Variants in PTPRN2 observed in about 807,000 individuals in gnomAD.
PTPRN2 encodes protein tyrosine phosphatase receptor type N2, also known as receptor-type tyrosine-protein phosphatase N2.
Under a neutral mutation model 118.8 loss-of-function variants are expected in PTPRN2, and 74 were observed. The ratio of observed to expected loss-of-function variants is 0.62; its 90% CI spans 0.52 to 0.76. The LOEUF (loss-of-function observed/expected upper bound fraction) is 0.76, where lower values mean the gene tolerates loss of function less well. Among genes scored for constraint, PTPRN2 ranks in the 30% least tolerant of loss-of-function variants. The pLI is 0.00. For synonymous variants in PTPRN2, 641 were observed against 608.0 expected, an observed-to-expected ratio of 1.05 and a Z score of -0.80; for missense variants, 1,481 against 1,394.4, an observed-to-expected ratio of 1.06 and a Z score of -0.99.
rs1014813348 is a variant in PTPRN2 at position 157,974,106 on chromosome 7, C to G, written c.1724-75369G>C. ...AGGCTGAGCTGCCTGACTTGCACTG[C>G]TGGACGGTGGGTTGGCGGTGTTGAC... On this transcript the variant is annotated intron_variant, in intron 11 of 22. Transcript: ENST00000389418. The surrounding 1 kb of genome is among the most constrained non-coding windows in gnomAD (Gnocchi z 4.0). Among the ~76,000 whole-genome samples, 1 of 152,204 alleles carries G rather than the reference C, an allele frequency of 6.6e-6. No individual in the cohort carries two copies. Among genetic ancestry groups the G allele is most frequent in the Non-Finnish European group, 1.5e-5 (1 of 68,034 alleles).
chr7:158,193,504 G>A (rs1420515381), intron 4 of PTPRN2, among the ~76,000 whole-genome samples: 1 of 152,108 alleles, frequency 6.6e-6, no homozygotes, highest in East Asian at 1.9e-4. Context: ...TTTATGGGGA[G>A]CCCTGGTGGA....
intron 11 of PTPRN2, among the ~76,000 whole-genome samples, chr7:157,971,034 C>G (rs905269525): frequency 6.6e-6 from 1 of 152,220 alleles, no homozygotes; most frequent in African/African-American, 2.4e-5. Flanking sequence ...TTCACCACCT[C>G]TTCCTCTGCC....
At chr7:158,210,876 T>G (rs1474926401) in intron 3 of PTPRN2, among the ~76,000 whole-genome samples, 1 of 152,232 alleles carries the variant, frequency 6.6e-6, no homozygotes, top group African/African-American at 2.4e-5. Context: ...TGCTGAATTT[T>G]ACCAAATATT....
chr7:157,798,069 T>G (rs1470195964), intron 12 of PTPRN2, among the ~76,000 whole-genome samples: 1 of 152,062 alleles, frequency 6.6e-6, no homozygotes, highest in Non-Finnish European at 1.5e-5. Flanking sequence ...GACCAGTCTG[T>G]CCAATATGGT....
At chr7:158,215,259 A>G (rs1827875955) in intron 3 of PTPRN2, among the ~76,000 whole-genome samples, 1 of 152,246 alleles carries the variant, frequency 6.6e-6, no homozygotes, top group Non-Finnish European at 1.5e-5. Flanking sequence ...AGAAGGATGG[A>G]GAGACAGAGG....
intron 11 of PTPRN2, among the ~76,000 whole-genome samples, chr7:157,923,072 A>C (rs1196792823): frequency 1.3e-5 from 2 of 152,156 alleles, no homozygotes; most frequent in African/African-American, 4.8e-5. Context: ...GTTTAATGTA[A>C]AATTTAGCCT....
In PTPRN2 at chr7:158,193,837, C is replaced by T. The variant is rs141589240; in HGVS notation, c.381-1342G>A. Among the ~76,000 whole-genome samples, 10 of 151,060 alleles carry T rather than the reference C, an allele frequency of 6.6e-5. No homozygotes were observed. The East Asian group carries it at 2.0e-3, about 30-fold the overall frequency. On this transcript the variant is annotated intron_variant, in intron 4 of 22. Transcript: ENST00000389418. The stretch of plus-strand genomic sequence containing the variant: ...TAATTCCCATAGGAGACGCCTCTAC[C>T]AGCCAGGTTTAAGAACACCTGCGTG...
intron 2 of PTPRN2, among the ~76,000 whole-genome samples, chr7:158,383,316 T>C (rs1811103662): frequency 6.6e-6 from 1 of 152,210 alleles, no homozygotes; most frequent in African/African-American, 2.4e-5. Context: ...AATGTATCTA[T>C]TTGATATAAT....
chr7:158,440,493 T>C (rs992590752), intron 2 of PTPRN2, among the ~76,000 whole-genome samples: 5 of 151,032 alleles, frequency 3.3e-5, no homozygotes, highest in African/African-American at 1.2e-4. Context: ...ATGGTGGTGA[T>C]GGTAGTGATG....
In PTPRN2 at chr7:157,809,065, T is replaced by C. The variant is rs538113745; in HGVS notation, c.1788+89608A>G. Among the ~76,000 whole-genome samples the C allele has an allele frequency of 1.1e-3, 170 of 152,356 alleles. 1 individual carries two copies. The highest frequency in any genetic ancestry group is 4.1e-3 in the African/African-American group (169 of 41,568). ...AATGTGGGCAATTTTTAAAACTTTA[T>C]TTTAATGTGCACGAGAAAAAGCAAA... On this transcript the variant is annotated intron_variant, in intron 12 of 22. Transcript: ENST00000389418.
intron 14 of PTPRN2, among the ~76,000 whole-genome samples, chr7:157,637,374 C>T (rs1001736733): frequency 1.3e-5 from 2 of 152,222 alleles, no homozygotes; most frequent in Admixed American, 6.5e-5. Flanking sequence ...AAGTGAACAG[C>T]AGCCCCTGTC....
intron 11 of PTPRN2, among the ~76,000 whole-genome samples, chr7:158,056,640 G>A (rs1161043662): frequency 6.6e-6 from 1 of 152,220 alleles, no homozygotes; most frequent in Non-Finnish European, 1.5e-5. Flanking sequence ...TGGAGCAGGA[G>A]TGTGCTGGAC....
intron 3 of PTPRN2, among the ~76,000 whole-genome samples, chr7:158,225,827 A>T (rs1269394680): frequency 6.6e-6 from 1 of 151,688 alleles, no homozygotes; most frequent in East Asian, 2.0e-4. Context: ...GTAGCATGGG[A>T]AGGGACTTGG....
At chr7:158,226,085 C>A (rs1828750940) in intron 3 of PTPRN2, among the ~76,000 whole-genome samples, 1 of 152,188 alleles carries the variant, frequency 6.6e-6, no homozygotes, top group Non-Finnish European at 1.5e-5. Context: ...TTTAAAGATA[C>A]ATAGCAGTTT....
chr7:158,091,520 C>G (rs889454846), intron 10 of PTPRN2, among the ~76,000 whole-genome samples: 8 of 152,168 alleles, frequency 5.3e-5, no homozygotes, highest in Admixed American at 3.3e-4. Context: ...CTGACCTGTG[C>G]TTTATCTATT....
At chr7:158,180,741 C>T (rs966734981) in intron 5 of PTPRN2, among the ~76,000 whole-genome samples, 4 of 152,136 alleles carry the variant, frequency 2.6e-5, no homozygotes, top group Non-Finnish European at 5.9e-5. Context: ...TGATTCTCAG[C>T]TTGGTCATTG....
At chr7:157,758,641 C>G (rs1385205239) in intron 12 of PTPRN2, among the ~76,000 whole-genome samples, 2 of 152,232 alleles carry the variant, frequency 1.3e-5, no homozygotes, top group South Asian at 2.1e-4. Flanking sequence ...GAGGACGGGA[C>G]TGGCATGTCT....
chr7:158,149,314 A>C, intron 6 of PTPRN2, among the ~76,000 whole-genome samples: 1 of 152,204 alleles, frequency 6.6e-6, no homozygotes, highest in East Asian at 1.9e-4. Flanking sequence ...CAATGTGTAA[A>C]TCACTGCCTA....
chr7:158,402,153 C>T (rs567641860), intron 2 of PTPRN2, among the ~76,000 whole-genome samples: 9 of 152,242 alleles, frequency 5.9e-5, no homozygotes, highest in African/African-American at 1.7e-4. Context: ...GGGAGAACCC[C>T]GGAGGACAGC....
Sources: allele counts gnomAD v4.1 joint callset (sites outside exome capture counted in the v4.1 genomes callset), GRCh38; gene constraint gnomAD v4.1.1; non-coding constraint Gnocchi (gnomAD v3.1); transcripts MANE v1.5; gene names NCBI Gene and HGNC (gene_info 2026-07-23, HGNC 2026-07-21).